Variants in TNS1 observed in about 807,000 individuals in gnomAD.
The protein encoded by TNS1 is tensin-1.
TNS1 carries 62 observed loss-of-function variants against 168.6 expected under a neutral mutation model. The ratio of observed to expected loss-of-function variants is 0.37; its 90% CI spans 0.30 to 0.45. The LOEUF (loss-of-function observed/expected upper bound fraction) is 0.45. Among genes scored for constraint, TNS1 ranks in the 20% least tolerant of loss-of-function variants. The probability of loss-of-function intolerance (pLI) is 1.00; values close to 1 mark genes in which losing one functional copy is unlikely to be tolerated. For missense variants in TNS1, 2,240 were observed against 2,339.4 expected, an observed-to-expected ratio of 0.96 and a Z score of 0.88; for synonymous variants, 934 against 933.2, an observed-to-expected ratio of 1.00 and a Z score of -0.02.
chr2:217,919,706 T>TG (rs1955522464), intron 4 of TNS1, among the ~76,000 whole-genome samples: 1 of 150,122 alleles, frequency 6.7e-6, no homozygotes, highest in Non-Finnish European at 1.5e-5. Context: ...GGAAGAGGAG[T>TG]GGGGGAAATG....
rs1479288668 is a variant in TNS1 at position 217,818,320 on chromosome 2, G to A, written c.4012C>T (p.Gln1338Ter). The change falls in exon 24 of 33, where the codon CAG becomes TAG. Residue 1338 changes from glutamine to a stop codon, truncating the protein, a stop_gained. Coordinates refer to ENST00000682258, the MANE Select transcript of TNS1 (RefSeq NM_001387777.1). LOFTEE classifies it high-confidence loss of function. Reference sequence around the variant, plus strand: ...CCCGGGGTGGTCGCTGCACTGCTCTGGGGGCTGGAGACAGTGCTACCATGG... The same window carrying A: ...CCCGGGGTGGTCGCTGCACTGCTCTAGGGGCTGGAGACAGTGCTACCATGG... Reference protein sequence around the residue: ...GFHGSTVSSPQSSAATTPGSP... With the variant: ...GFHGSTVSSP 6.2e-7 allele frequency: 1 copy of A among 1,613,996 alleles called. No homozygotes were observed. Among genetic ancestry groups the A allele is most frequent in the African/African-American group, 1.3e-5 (1 of 75,046 alleles).
At chr2:217,978,909 AGGAGGGAAGGAGGGAC>A (rs1243483968) in intron 2 of TNS1, 107 bp from the exon 3 acceptor site, 8 of 677,970 alleles carry the variant, frequency 1.2e-5, no homozygotes, top group South Asian at 9.1e-5. Flanking sequence ...TCGGGAAGGA[AGGAGGGAAGGAGGGAC>A]GGAGGGAAGG....
intron 3 of TNS1, among the ~76,000 whole-genome samples, chr2:217,964,419 G>A (rs1178128045): frequency 6.6e-6 from 1 of 152,262 alleles, no homozygotes; most frequent in African/African-American, 2.4e-5. Flanking sequence ...TCTCTCCCCA[G>A]GCCTCTCCCT....
At chr2:217,903,773 AG>A (rs1449142055) in intron 6 of TNS1, 1 of 642,256 alleles carries the variant, frequency 1.6e-6, no homozygotes, top group African/African-American at 1.8e-5. Flanking sequence ...TCCTCATTGC[AG>A]GCAAGAGTGG....
intron 18 of TNS1, among the ~76,000 whole-genome samples, chr2:217,853,580 G>A (rs909525388): frequency 3.9e-5 from 6 of 152,172 alleles, no homozygotes; most frequent in Admixed American, 3.9e-4. Flanking sequence ...GGGCTGAAAG[G>A]TCCAGTGTCC....
chr2:218,000,906 C>G (rs769138583), intron 1 of TNS1, among the ~76,000 whole-genome samples: 1 of 152,190 alleles, frequency 6.6e-6, no homozygotes, highest in Non-Finnish European at 1.5e-5. Flanking sequence ...AATCCCAGCA[C>G]TTTGGGAGGC....
chr2:217,905,382 C>T (rs1379578075), intron 6 of TNS1: 2 of 451,960 alleles, frequency 4.4e-6, no homozygotes, highest in Non-Finnish European at 8.9e-6. Context: ...GATGCTGCCG[C>T]TTTGTAGGGC....
chr2:217,885,942 C>T (rs975090127), intron 14 of TNS1, 102 bp downstream of exon 14: 15 of 1,558,534 alleles, frequency 9.6e-6, no homozygotes, highest in Middle Eastern at 1.7e-4. Context: ...TCTGTCCTTT[C>T]AGCCCTCTTG....
In TNS1 at chr2:217,897,908, C is replaced by G; in HGVS notation, c.433G>C (p.Glu145Gln). 1 of 1,613,604 alleles carries G rather than the reference C, an allele frequency of 6.2e-7. No homozygotes were observed. The highest frequency in any genetic ancestry group is 8.5e-7 in the Non-Finnish European group (1 of 1,179,718). The change falls in exon 8 of 33, where the codon GAG (glutamate) becomes CAG (glutamine). Residue 145 changes from glutamate (E) to glutamine (Q), a missense_variant. By Grantham distance (29) the Glu-to-Gln change is conservative (BLOSUM62 2). Transcript: ENST00000682258. Reference protein sequence around the residue: ...SCELDLVYVTERIIAVSFPST... With the variant: ...SCELDLVYVTQRIIAVSFPST... Reference sequence around the variant, plus strand: ...GGGAAGGAGACAGCGATGATCCTCTCTGTGACGTACACCAGGTCCAGCTCA... The same window carrying G: ...GGGAAGGAGACAGCGATGATCCTCTGTGTGACGTACACCAGGTCCAGCTCA...
At chr2:217,922,938 C>CT (rs200814134) in intron 3 of TNS1, among the ~76,000 whole-genome samples, 94 of 151,948 alleles carry the variant, frequency 6.2e-4, no homozygotes, top group African/African-American at 2.0e-3. Context: ...TTGTCTCTCT[C>CT]TTTTTTTTTA....
rs1347599905 is a variant in TNS1 at position 217,802,124 on chromosome 2, G to A, written c.*2335C>T. 1.3e-5 allele frequency: 2 copies of A among 152,232 alleles called. No individual in the cohort carries two copies. Among genetic ancestry groups the A allele is most frequent in the African/African-American group, 2.4e-5 (1 of 41,456 alleles). 9.4% of individuals were successfully genotyped at this position (152,232 alleles called of 1,614,324 possible). ...TCCTGGGCTCTCCAGTGGGAGATGAGATATTTACAAAGGAAGGGGATGGGA... is the reference window on the plus strand; with the variant it reads ...TCCTGGGCTCTCCAGTGGGAGATGAAATATTTACAAAGGAAGGGGATGGGA... On this transcript the variant is annotated 3_prime_UTR_variant, in exon 33 of 33. Coordinates refer to ENST00000682258, the MANE Select transcript of TNS1 (RefSeq NM_001387777.1).
intron 12 of TNS1, among the ~76,000 whole-genome samples, chr2:217,887,901 G>A (rs1021764036): frequency 6.6e-6 from 1 of 152,220 alleles, no homozygotes; most frequent in Non-Finnish European, 1.5e-5. Context: ...ATGACAAGCT[G>A]AGTCAGCTAG....
chr2:217,941,060 C>G (rs967984067), intron 3 of TNS1, among the ~76,000 whole-genome samples: 1 of 152,160 alleles, frequency 6.6e-6, no homozygotes, highest in Non-Finnish European at 1.5e-5. Flanking sequence ...TGATGCTGCC[C>G]GGACAACCCG....
upstream of TNS1, among the ~76,000 whole-genome samples, chr2:218,011,939 T>C (rs185061430): frequency 7.9e-5 from 12 of 152,270 alleles, no homozygotes; most frequent in Admixed American, 2.6e-4. Flanking sequence ...GGATAAAAGC[T>C]GGAGGGGGCA....
At chr2:217,898,791 G>A (rs1296269612) in intron 7 of TNS1, among the ~76,000 whole-genome samples, 1 of 152,218 alleles carries the variant, frequency 6.6e-6, no homozygotes, top group Non-Finnish European at 1.5e-5. Flanking sequence ...CTCTCCACTG[G>A]GCACTGGGTG....
intron 10 of TNS1, among the ~76,000 whole-genome samples, 181 bp downstream of exon 10, chr2:217,893,258 C>A (rs373764784): frequency 2.6e-5 from 4 of 152,218 alleles, no homozygotes; most frequent in African/African-American, 9.6e-5. Context: ...TTAGAAGTGC[C>A]GCCCAAGACA....
upstream of TNS1, among the ~76,000 whole-genome samples, chr2:218,003,411 T>C (rs778125823): frequency 6.6e-6 from 1 of 152,056 alleles, no homozygotes; most frequent in Admixed American, 6.5e-5. Flanking sequence ...CAGGGTGCCT[T>C]GGCCCCTCCC....
intron 1 of TNS1, among the ~76,000 whole-genome samples, chr2:218,009,631 AC>A (rs1252966692): frequency 2.0e-5 from 3 of 149,764 alleles, no homozygotes; most frequent in Non-Finnish European, 4.4e-5. Flanking sequence ...TCCCCCAGCC[AC>A]CCCATTCCCG....
chr2:217,957,042 A>T, intron 3 of TNS1, among the ~76,000 whole-genome samples: 1 of 152,174 alleles, frequency 6.6e-6, no homozygotes, highest in East Asian at 1.9e-4. Flanking sequence ...CTTGGCTAGC[A>T]ATGAAAGCAC....
Sources: gnomAD v4.1 joint callset for allele counts (sites outside exome capture counted in the v4.1 genomes callset) on GRCh38, gnomAD v4.1.1 for gene constraint, MANE v1.5 for transcripts, NCBI Gene and HGNC (gene_info 2026-07-23, HGNC 2026-07-21) for gene names.